The following MTHFD1L variants were observed in gnomAD, a reference collection of about 807,000 sequenced individuals.
The protein encoded by MTHFD1L is monofunctional C1-tetrahydrofolate synthase, mitochondrial.
MTHFD1L carries 81 observed loss-of-function variants against 119.5 expected under a neutral mutation model. The ratio of observed to expected loss-of-function variants is 0.68; its 90% CI spans 0.57 to 0.82. The LOEUF (loss-of-function observed/expected upper bound fraction) is 0.82, where lower values mean the gene tolerates loss of function less well. MTHFD1L is among the 40% of genes least tolerant of loss of function. The pLI is 0.00. For missense variants in MTHFD1L, 1,125 were observed against 1,253.4 expected (o/e 0.90, Z 1.55); for synonymous variants, 430 against 475.2 (o/e 0.90, Z 1.24).
Position 150,991,555 on chromosome 6 carries a change from G to T in MTHFD1L, c.2126-18264G>T, listed in dbSNP as rs201537004. The stretch of plus-strand genomic sequence containing the variant: ...TTTACAATTACTGTGTATTACTTTT[G>T]TAGTAGTTTTTTTTATAAAAGGAAA... On this transcript the variant is annotated intron_variant, in intron 20 of 27. Coordinates refer to ENST00000367321, the MANE Select transcript of MTHFD1L (RefSeq NM_015440.5). 3.1e-4 allele frequency among the ~76,000 whole-genome samples: 47 copies of T among 152,226 alleles called. No individual in the cohort carries two copies. In the East Asian group the frequency reaches 8.9e-3, roughly 29 times the overall value.
chr6:151,085,592 A>C (rs1332600101), intron 26 of MTHFD1L, among the ~76,000 whole-genome samples: 1 of 152,106 alleles, frequency 6.6e-6, no homozygotes, highest in Non-Finnish European at 1.5e-5. Flanking sequence ...CCAACATGGC[A>C]AAACCCCATC....
chr6:151,000,041 A>G, intron 20 of MTHFD1L, among the ~76,000 whole-genome samples: 1 of 152,164 alleles, frequency 6.6e-6, no homozygotes, highest in East Asian at 1.9e-4. Flanking sequence ...ATGTGCTAAT[A>G]TTAATATTGA....
At chr6:150,887,810 T>C in intron 6 of MTHFD1L, 35 bp from the exon 7 acceptor site, 1 of 1,548,570 alleles carries the variant, frequency 6.5e-7, no homozygotes, top group Non-Finnish European at 8.7e-7. Flanking sequence ...ATCTGAAGTT[T>C]TGAGTATAAT....
intron 7 of MTHFD1L, among the ~76,000 whole-genome samples, chr6:150,895,664 A>T: frequency 7.6e-6 from 1 of 131,296 alleles, no homozygotes; most frequent in South Asian, 2.4e-4. Context: ...AGTCCTTTTC[A>T]GTTTAAATTT....
chr6:150,947,129 G>A (rs1346382364), intron 15 of MTHFD1L, among the ~76,000 whole-genome samples: 1 of 148,040 alleles, frequency 6.8e-6, no homozygotes, highest in African/African-American at 2.5e-5. Context: ...TGACAGTCTT[G>A]CTCTGTTGCT....
chr6:150,995,740 C>G (rs947233278), intron 20 of MTHFD1L, among the ~76,000 whole-genome samples: 27 of 151,978 alleles, frequency 1.8e-4, no homozygotes, highest in African/African-American at 6.3e-4. Flanking sequence ...AATCTCGACT[C>G]ACCGCAACCT....
intron 4 of MTHFD1L, among the ~76,000 whole-genome samples, chr6:150,882,514 G>A (rs1014730421): frequency 2.6e-5 from 4 of 152,158 alleles, no homozygotes; most frequent in East Asian, 3.8e-4. Context: ...TAGAGCCATA[G>A]AAAGGCAGAG....
chr6:151,040,245 G>A (rs1335113871), intron 26 of MTHFD1L, among the ~76,000 whole-genome samples: 2 of 152,224 alleles, frequency 1.3e-5, no homozygotes, highest in Non-Finnish European at 2.9e-5. Flanking sequence ...TGCTGCATAA[G>A]GCACTCAGCT....
At chr6:150,916,292 CTT>C (rs71554488) in intron 8 of MTHFD1L, among the ~76,000 whole-genome samples, 436 of 39,844 alleles carry the variant, frequency 0.011, no homozygotes, top group Middle Eastern at 0.065. Flanking sequence ...AAGGTAGAAT[CTT>C]TTTTTTTTTT....
chr6:151,045,120 A>G (rs538135665), intron 26 of MTHFD1L, among the ~76,000 whole-genome samples: 82 of 152,276 alleles, frequency 5.4e-4, no homozygotes, highest in Non-Finnish European at 1.8e-4. Flanking sequence ...ACGGTTGGTT[A>G]TACGCTTGCT....
At chr6:151,004,845 G>A (rs529241073) in intron 20 of MTHFD1L, among the ~76,000 whole-genome samples, 1 of 152,192 alleles carries the variant, frequency 6.6e-6, no homozygotes, top group Admixed American at 6.5e-5. Context: ...TAACAAAAGG[G>A]AAAGAGATTG....
chr6:150,898,753 A>C (rs1427007611), intron 7 of MTHFD1L: 4 of 295,642 alleles, frequency 1.4e-5, no homozygotes, highest in Non-Finnish European at 1.9e-5. Context: ...TCCTGTTACC[A>C]CCCCCCATCT....
chr6:151,018,542 T>G (rs2128497476), intron 24 of MTHFD1L, among the ~76,000 whole-genome samples: 1 of 152,292 alleles, frequency 6.6e-6, no homozygotes, highest in Admixed American at 6.5e-5. Context: ...ACGAAGAGAC[T>G]AAGTCAACTG....
intron 26 of MTHFD1L, among the ~76,000 whole-genome samples, chr6:151,058,595 G>A (rs1257788876): frequency 6.6e-6 from 1 of 152,178 alleles, no homozygotes; most frequent in Non-Finnish European, 1.5e-5. Flanking sequence ...ATTTATGGGA[G>A]TCTGTGTAAT....
chr6:150,917,664 A>G (rs1315359216), intron 8 of MTHFD1L, among the ~76,000 whole-genome samples: 1 of 152,218 alleles, frequency 6.6e-6, no homozygotes, highest in South Asian at 2.1e-4. Context: ...TTTAAACTAC[A>G]TACTATATGC....
At chr6:150,912,162 T>TG (rs1787014789) in intron 8 of MTHFD1L, among the ~76,000 whole-genome samples, 1 of 152,076 alleles carries the variant, frequency 6.6e-6, no homozygotes, top group Non-Finnish European at 1.5e-5. Flanking sequence ...CCCCCAACAC[T>TG]GGGGATTACA....
intron 20 of MTHFD1L, among the ~76,000 whole-genome samples, chr6:150,997,779 A>T (rs1036011332): frequency 4.6e-5 from 7 of 152,188 alleles, no homozygotes; most frequent in African/African-American, 1.7e-4. Flanking sequence ...TCAAAAAACA[A>T]AACAAAAAAA....
intron 20 of MTHFD1L, among the ~76,000 whole-genome samples, chr6:150,978,513 T>G (rs772339352): frequency 2.6e-5 from 4 of 152,126 alleles, no homozygotes; most frequent in Non-Finnish European, 4.4e-5. Flanking sequence ...ATGAGACAAG[T>G]GCCCAATTAA....
In MTHFD1L at chr6:150,987,615, A is replaced by G. The variant is rs377737840; in HGVS notation, c.2125+15557A>G. Reference sequence around the variant, plus strand: ...TTGCTCAAAGGCAGGCAGCTAGCGCAAGGGGGAGCAGGAATTTGAACCTGA... The same window carrying G: ...TTGCTCAAAGGCAGGCAGCTAGCGCGAGGGGGAGCAGGAATTTGAACCTGA... On this transcript the variant is annotated intron_variant, in intron 20 of 27. Coordinates refer to ENST00000367321, the MANE Select transcript of MTHFD1L (RefSeq NM_015440.5). Among the ~76,000 whole-genome samples the G allele has an allele frequency of 9.2e-5, 14 of 152,338 alleles. No homozygotes were observed. In the East Asian group the frequency reaches 2.3e-3, roughly 25 times the overall value.
Sources: allele counts gnomAD v4.1 joint callset (sites outside exome capture counted in the v4.1 genomes callset), GRCh38; gene constraint gnomAD v4.1.1; transcripts MANE v1.5; gene names NCBI Gene and HGNC (gene_info 2026-07-23, HGNC 2026-07-21).